Variants in HOOK2 observed in about 807,000 individuals in gnomAD.
HOOK2 encodes protein Hook homolog 2.
A neutral mutation model predicts 111.9 loss-of-function variants in HOOK2; 108 were observed. The observed-to-expected ratio is 0.96, with a 90% CI of 0.83 to 1.13. The LOEUF (loss-of-function observed/expected upper bound fraction) is 1.13. HOOK2 is among the 50% of genes most tolerant of loss of function. The pLI is 0.00. For synonymous variants in HOOK2, 405 were observed against 394.3 expected (o/e 1.03, Z -0.32); for missense variants, 978 against 951.3 (o/e 1.03, Z -0.37).
chr19:12,791,371 T>C lies in HOOK2; in HGVS notation n.42-17146A>G. 1 of 167,028 alleles carries C rather than the reference T, an allele frequency of 6.0e-6. No individual in the cohort carries two copies. The highest frequency in any genetic ancestry group is 1.3e-5 in the Non-Finnish European group (1 of 77,992). The allele number at this position is 167,028 out of a possible 1,614,324, so 10.3% of individuals were successfully genotyped here. ...CAGTGACGCGAGCCGCCTCCTCCCCTTCCCCACGCTCGAGGAGGGGGGCGC... is the reference window on the plus strand; with the variant it reads ...CAGTGACGCGAGCCGCCTCCTCCCCCTCCCCACGCTCGAGGAGGGGGGCGC... On this transcript the variant is annotated intron_variant and non_coding_transcript_variant, in intron 3 of 3. Coordinates refer to the HOOK2 transcript ENST00000589765. This position sits in a 1 kb window ranked among gnomAD's most constrained non-coding sequence, Gnocchi z 7.0.
intron 3 of HOOK2, among the ~76,000 whole-genome samples, chr19:12,788,138 T>C (rs768416828): frequency 1.5e-4 from 23 of 152,198 alleles, no homozygotes; most frequent in Admixed American, 7.9e-4. Context: ...ACTGCATACA[T>C]GCTTCTCTGG....
intron 3 of HOOK2, among the ~76,000 whole-genome samples, chr19:12,789,566 T>C (rs1968685706): frequency 6.6e-6 from 1 of 151,958 alleles, no homozygotes; most frequent in Non-Finnish European, 1.5e-5. Context: ...CCAGATCTCC[T>C]GGCAGAAGGG....
chr19:12,770,688 G>A (rs1304690960), intron 10 of HOOK2, among the ~76,000 whole-genome samples: 2 of 127,682 alleles, frequency 1.6e-5, no homozygotes, highest in African/African-American at 2.9e-5. Context: ...TGGGGTCTTG[G>A]AAGCATACTG....
At position 12,772,210 on chromosome 19, in the gene HOOK2, A is replaced by G. The variant is rs1968358474; in HGVS notation, c.499T>C (p.Tyr167His). ...CTTACCTGGCTGTCAAAGTTGCCAT[A>G]CGTCTCTGGTGACAGGGAGTCAGGA... ...DTPDSLSPET[Y>H]GNFDSQSRRY... The change falls in exon 7 of 23, where the codon TAT (tyrosine) becomes CAT (histidine). Residue 167 changes from tyrosine to histidine, a missense_variant. Physicochemically the swap from Tyr to His is moderately conservative, Grantham distance 83. Coordinates refer to ENST00000397668, the MANE Select transcript of HOOK2 (RefSeq NM_013312.3). 2 of 1,613,758 alleles carry G rather than the reference A, an allele frequency of 1.2e-6. No individual in the cohort carries two copies. Among genetic ancestry groups the G allele is most frequent in the Non-Finnish European group, 1.7e-6 (2 of 1,179,730 alleles).
intron 20 of HOOK2, 133 bp downstream of exon 20, chr19:12,764,681 G>T: frequency 1.4e-6 from 1 of 725,096 alleles, no homozygotes. Flanking sequence ...TCATGCAGAA[G>T]TCTGTCTTAT....
upstream of HOOK2, among the ~76,000 whole-genome samples, chr19:12,776,206 A>G (rs1599511335): frequency 6.6e-6 from 1 of 151,666 alleles, no homozygotes; most frequent in Admixed American, 6.6e-5. Flanking sequence ...TAACCACTTT[A>G]TAATCGGAGC....
At chr19:12,777,749 G>C (rs903960715), upstream of HOOK2, among the ~76,000 whole-genome samples, 4 of 152,270 alleles carry the variant, frequency 2.6e-5, no homozygotes, top group African/African-American at 4.8e-5. Context: ...AGGGGGCGCG[G>C]AGACCGCAGA....
At chr19:12,792,225 G>A in intron 3 of HOOK2, 1 of 1,538,032 alleles carries the variant, frequency 6.5e-7, no homozygotes, top group Non-Finnish European at 8.8e-7. Flanking sequence ...GATGAACCAC[G>A]TGACACCCCC....
At chr19:12,769,184 C>G (rs1049574154) in intron 11 of HOOK2, among the ~76,000 whole-genome samples, 2 of 151,870 alleles carry the variant, frequency 1.3e-5, no homozygotes, top group Non-Finnish European at 2.9e-5. Context: ...CCAGGATGGT[C>G]TCGATCTCCT....
intron 1 of HOOK2, 117 bp downstream of exon 1, chr19:12,775,288 A>T (rs1968465934): frequency 6.7e-7 from 1 of 1,489,276 alleles, no homozygotes; most frequent in South Asian, 1.3e-5. Flanking sequence ...CGGTCCAGCA[A>T]GTCGACGACC....
At chr19:12,773,122 TCAC>T (rs1968385583) in intron 3 of HOOK2, 78 bp from the exon 4 acceptor site, 1 of 1,361,326 alleles carries the variant, frequency 7.3e-7, no homozygotes, top group Admixed American at 1.7e-5. Context: ...TCTCTCCACC[TCAC>T]TTCTCCTTCC....
chr19:12,775,266 G>A, intron 1 of HOOK2, 139 bp downstream of exon 1: 1 of 1,466,046 alleles, frequency 6.8e-7, no homozygotes, highest in Non-Finnish European at 9.0e-7. Context: ...GGGTGCTCGG[G>A]CCAGAGTCCA....
chr19:12,772,394 T>C (rs1599498399), intron 6 of HOOK2, 142 bp from the exon 7 acceptor site: 1 of 1,067,122 alleles, frequency 9.4e-7, no homozygotes, highest in Non-Finnish European at 1.4e-6. Flanking sequence ...GCTGCCCTCC[T>C]GCCTCCAACA....
intron 13 of HOOK2, 83 bp from the exon 14 acceptor site, chr19:12,767,547 T>C (rs1209825487): frequency 9.9e-6 from 12 of 1,212,072 alleles, no homozygotes; most frequent in Middle Eastern, 1.9e-4. Context: ...GATCATCTTT[T>C]GGGGCTTCAA....
At chr19:12,764,698 G>C (rs1968096816) in intron 20 of HOOK2, 116 bp downstream of exon 20, 1 of 780,296 alleles carries the variant, frequency 1.3e-6, no homozygotes, top group East Asian at 2.4e-5. Context: ...TTATGGTGGG[G>C]TATGACAGGT....
At chr19:12,768,947 G>C (rs1042289583) in intron 11 of HOOK2, among the ~76,000 whole-genome samples, 9 of 148,650 alleles carry the variant, frequency 6.1e-5, no homozygotes, top group Non-Finnish European at 1.3e-4. Context: ...ACAGGCGCGC[G>C]CCACCAGCCC....
In HOOK2 at chr19:12,775,029, G is replaced by A. The variant is rs558529078; in HGVS notation, c.46-132C>T. On this transcript the variant is annotated intron_variant, in intron 1 of 22. Coordinates refer to ENST00000397668, the MANE Select transcript of HOOK2 (RefSeq NM_013312.3). ...CGCTGCTCCGCCACAGCAGCTCTGC[G>A]AGGGACTGGCTTCTGCTCACCTGAG... 47 of 1,118,794 alleles carry A rather than the reference G, an allele frequency of 4.2e-5. No homozygotes were observed. The African/African-American group carries it at 6.8e-4, about 16-fold the overall frequency. 69.3% of individuals were successfully genotyped at this position (1,118,794 alleles called of 1,614,324 possible). A position where few individuals can be genotyped will look rare whatever the true frequency, so the allele number is the denominator to read the frequency against.
Position 12,770,982 on chromosome 19 carries a change from A to G in HOOK2, c.852T>C (p.Thr284=), listed in dbSNP as rs368551237. ...GGGCCTGTGCCTCCTGGGCCAGGCT[A>G]GTCAGCGCCTGGTTCCGGTGCTGCA... ...AELQHRNQAL[T]SLAQEAQALK... Residue 284 remains threonine (T), a synonymous_variant, in exon 10 of 23, where the codon ACT becomes ACC. Transcript: ENST00000397668. 64 of 1,611,716 alleles carry G rather than the reference A, an allele frequency of 4.0e-5. No homozygotes were observed. Among genetic ancestry groups the G allele is most frequent in the Non-Finnish European group, 5.4e-5 (64 of 1,179,274 alleles).
rs1968208658 is a variant in HOOK2, at chr19:12,768,000, A to G, written c.1215+13T>C. On this transcript the variant is annotated intron_variant, in intron 12 of 22. Transcript: ENST00000397668. ...GGCAGGGTGGGGCTTGGGCAGTGGA[A>G]CCTCAGCCTCACCTCCTTCTCCTTT... 6.2e-7 allele frequency: 1 copy of G among 1,611,486 alleles called. No homozygotes were observed. The highest frequency in any genetic ancestry group is 1.1e-5 in the South Asian group (1 of 91,020).
Sources: gnomAD v4.1 joint callset for allele counts (sites outside exome capture counted in the v4.1 genomes callset) on GRCh38, gnomAD v4.1.1 for gene constraint, Gnocchi (gnomAD v3.1) non-coding constraint, MANE v1.5 for transcripts, NCBI Gene and HGNC (gene_info 2026-07-23, HGNC 2026-07-21) for gene names.